FANCI: variants seen among roughly 807,000 people sequenced by gnomAD.
The protein encoded by FANCI is FA complementation group I.
FANCI carries 156 observed loss-of-function variants against 176.1 expected under a neutral mutation model. The ratio of observed to expected loss-of-function variants is 0.89; its 90% CI spans 0.78 to 1.01. The LOEUF is 1.01. Ranked by LOEUF, FANCI falls within the 50% of genes least tolerant of loss-of-function variation. The pLI, the probability that FANCI is intolerant of heterozygous loss-of-function variation, is 0.00. For missense variants in FANCI, 1,678 were observed against 1,534.1 expected, an observed-to-expected ratio of 1.09 and a Z score of -1.57; for synonymous variants, 613 against 541.7, an observed-to-expected ratio of 1.13 and a Z score of -1.83.
At chr15:89,287,532 A>G (rs1160728042) in intron 18 of FANCI, among the ~76,000 whole-genome samples, 1 of 152,106 alleles carries the variant, frequency 6.6e-6, no homozygotes, top group Non-Finnish European at 1.5e-5. Context: ...TCACTGGAAT[A>G]GCACTTTAAA....
rs569063066 is a variant in FANCI at position 89,316,822 on chromosome 15, C to G, written c.*363C>G. On this transcript the variant is annotated 3_prime_UTR_variant, in exon 38 of 38. Transcript: ENST00000310775. ...TCAATTATCTGGTAAATATCCAGCGCTTCACCTGAAAGATAGTGCAAATTG... is the reference window on the plus strand; with the variant it reads ...TCAATTATCTGGTAAATATCCAGCGGTTCACCTGAAAGATAGTGCAAATTG... 7.4e-6 allele frequency: 12 copies of G among 1,613,156 alleles called. No homozygotes were observed. The highest frequency in any genetic ancestry group is 9.3e-6 in the Non-Finnish European group (11 of 1,179,214).
At chr15:89,290,165 C>A in intron 18 of FANCI, 48 bp from the exon 19 acceptor site, 1 of 1,364,934 alleles carries the variant, frequency 7.3e-7, no homozygotes, top group Non-Finnish European at 1.0e-6. Context: ...GTCCAGATCA[C>A]TAGTATCTCT....
At chr15:89,304,595 G>A (rs1386188181) in intron 28 of FANCI, among the ~76,000 whole-genome samples, 1 of 152,162 alleles carries the variant, frequency 6.6e-6, no homozygotes, top group Admixed American at 6.5e-5. Context: ...GATGGGAAAT[G>A]TCTGCCTTCT....
At chr15:89,300,701 T>C (rs926830395) in intron 26 of FANCI, among the ~76,000 whole-genome samples, 5 of 152,186 alleles carry the variant, frequency 3.3e-5, no homozygotes, top group Admixed American at 1.3e-4. Flanking sequence ...TGGTATAATT[T>C]GGCTTGGTCT....
chr15:89,260,527 G>A (rs935845908), intron 3 of FANCI, among the ~76,000 whole-genome samples, 186 bp from the exon 4 acceptor site: 1 of 152,182 alleles, frequency 6.6e-6, no homozygotes, highest in Non-Finnish European at 1.5e-5. Flanking sequence ...TGACATTTTA[G>A]TCCCTTTATT....
intron 34 of FANCI, among the ~76,000 whole-genome samples, chr15:89,309,206 G>C (rs939171326): frequency 1.3e-5 from 2 of 152,156 alleles, no homozygotes; most frequent in Non-Finnish European, 2.9e-5. Flanking sequence ...CAAACCTCAT[G>C]CTTGTAAATT....
In FANCI at chr15:89,292,944, T is replaced by C; in HGVS notation, c.2172T>C (p.Asp724=). Residue 724 remains aspartate, a splice_region_variant and synonymous_variant, in exon 22 of 38, where the codon GAT becomes GAC. Transcript: ENST00000310775. ...AATTTTTATCTTGTGTCTTTTAGGA[T>C]AAATCAGCAGATTTTTCTCAGAGCA... ...IKSELEDFEL[D]KSADFSQSTS... is the part of the protein sequence containing the mutation. 1 of 1,614,144 alleles carries C rather than the reference T, an allele frequency of 6.2e-7. No individual in the cohort carries two copies. Among genetic ancestry groups the C allele is most frequent in the Non-Finnish European group, 8.5e-7 (1 of 1,180,018 alleles).
At chr15:89,294,028 CCACTCCCTG>C in intron 23 of FANCI, 31 bp downstream of exon 23, 1 of 1,612,524 alleles carries the variant, frequency 6.2e-7, no homozygotes, top group African/African-American at 1.3e-5. Flanking sequence ...TTAAAGACAG[CCACTCCCTG>C]AGGATCGTAT....
intron 36 of FANCI, 130 bp downstream of exon 36, chr15:89,314,837 C>CCG: frequency 1.2e-4 from 1 of 8,670 alleles, no homozygotes; most frequent in Non-Finnish European, 2.0e-4. Flanking sequence ...TCCCCCCTCT[C>CCG]CCCCCCCCCC....
In FANCI at chr15:89,300,327, G is replaced by A. The variant is rs376100858; in HGVS notation, c.2831G>A (p.Arg944Lys). Reference sequence around the variant, plus strand: ...GTCACAGATAAGGAAGGAGAAGAGAGAGAAGATGCAGATGTCAGTGTCACT... The same window carrying A: ...GTCACAGATAAGGAAGGAGAAGAGAAAGAAGATGCAGATGTCAGTGTCACT... ...LDVTDKEGEE[R>K]EDADVSVTQR... Residue 944 changes from arginine to lysine, a missense_variant, in exon 26 of 38, where the codon AGA (arginine) becomes AAA (lysine). By Grantham distance (26) the Arg-to-Lys change is conservative (BLOSUM62 2). Around this residue, in one of 3 missense-constraint regions of FANCI, gnomAD observed 1,204 missense variants for 1,077.4 expected, o/e 1.12. Transcript: ENST00000310775. 1 of 1,613,970 alleles carries A rather than the reference G, an allele frequency of 6.2e-7. No individual in the cohort carries two copies.
At chr15:89,284,013 G>A (rs918719711) in intron 17 of FANCI, among the ~76,000 whole-genome samples, 2 of 152,014 alleles carry the variant, frequency 1.3e-5, no homozygotes, top group East Asian at 1.9e-4. Context: ...CACCCGCCTC[G>A]GCCTCCCAAA....
intron 8 of FANCI, 50 bp downstream of exon 8, chr15:89,264,076 T>C (rs372690798): frequency 2.2e-5 from 35 of 1,609,704 alleles, no homozygotes; most frequent in South Asian, 6.6e-5. Flanking sequence ...TGACCAGTTA[T>C]GACCATTCAA....
At chr15:89,280,550 C>T (rs2053576005) in intron 14 of FANCI, among the ~76,000 whole-genome samples, 1 of 152,036 alleles carries the variant, frequency 6.6e-6, no homozygotes, top group South Asian at 2.1e-4. Context: ...AAATGTTCCC[C>T]ATCTTTTAGA....
At chr15:89,305,498 G>C in intron 30 of FANCI, 89 bp downstream of exon 30, 6 of 1,590,430 alleles carry the variant, frequency 3.8e-6, no homozygotes, top group Non-Finnish European at 4.3e-6. Flanking sequence ...ATAGCGGCTT[G>C]TGTCCTGAGG....
chr15:89,265,230 C>CA (rs1362369487), intron 9 of FANCI, among the ~76,000 whole-genome samples: 4 of 152,116 alleles, frequency 2.6e-5, no homozygotes, highest in Non-Finnish European at 5.9e-5. Context: ...GTTTTTGAGA[C>CA]AGAGTGTAGC....
At chr15:89,291,524 T>G (rs1054083169) in intron 19 of FANCI, 89 bp from the exon 20 acceptor site, 86 of 1,001,738 alleles carry the variant, frequency 8.6e-5, no homozygotes, top group Non-Finnish European at 1.3e-4. Flanking sequence ...TAGAAGGCAT[T>G]AGACATTAAA....
intron 1 of FANCI, among the ~76,000 whole-genome samples, chr15:89,246,763 CTTT>C (rs35104299): frequency 2.9e-3 from 331 of 113,914 alleles, no homozygotes; most frequent in Middle Eastern, 5.6e-3. Flanking sequence ...TTCTTCCTTT[CTTT>C]TTTTTTTTTT....
rs564772882 is a variant in FANCI, at chr15:89,307,697, A to T, written c.3651+25A>T. On this transcript the variant is annotated intron_variant, in intron 34 of 37. Transcript: ENST00000310775. ...GGTAAGAGATTCAGAGGCAGTACCC[A>T]ATAGGTCTTCAAGAAAGGATTTCTT... 3.1e-6 allele frequency: 5 copies of T among 1,614,044 alleles called. No individual in the cohort carries two copies. In the Admixed American group the frequency reaches 8.3e-5, roughly 27 times the overall value.
chr15:89,253,352 C>G (rs1010523117), intron 2 of FANCI, among the ~76,000 whole-genome samples: 1 of 151,908 alleles, frequency 6.6e-6, no homozygotes, highest in South Asian at 2.1e-4. Context: ...AAAAACAAAT[C>G]TAAATAAATG....
Sources: gnomAD v4.1 joint callset for allele counts (sites outside exome capture counted in the v4.1 genomes callset) on GRCh38, gnomAD v4.1.1 for gene constraint, gnomAD v4.1.1 regional missense constraint, MANE v1.5 for transcripts, NCBI Gene and HGNC (gene_info 2026-07-23, HGNC 2026-07-21) for gene names.